Variants in PDE6A observed in about 807,000 individuals in gnomAD.
PDE6A encodes the protein rod cGMP-specific 3',5'-cyclic phosphodiesterase subunit alpha.
Under a neutral mutation model 106.3 loss-of-function variants are expected in PDE6A, and 84 were observed. The observed-to-expected ratio is 0.79, with a 90% CI of 0.66 to 0.95. PDE6A has a LOEUF of 0.95. PDE6A is among the 40% of genes least tolerant of loss of function. The pLI is 0.00. For synonymous variants in PDE6A, 394 were observed against 386.6 expected (o/e 1.02, Z -0.23); for missense variants, 1,052 against 1,084.9 (o/e 0.97, Z 0.43).
At chr5:149,939,545 T>C (rs1469291407) in intron 1 of PDE6A, among the ~76,000 whole-genome samples, 1 of 152,086 alleles carries the variant, frequency 6.6e-6, no homozygotes, top group Non-Finnish European at 1.5e-5. Flanking sequence ...AGTAGCAAAA[T>C]GGTCGTAATA....
At chr5:149,935,009 C>T (rs1754143220) in intron 1 of PDE6A, among the ~76,000 whole-genome samples, 1 of 152,106 alleles carries the variant, frequency 6.6e-6, no homozygotes, top group African/African-American at 2.4e-5. Flanking sequence ...TTAGAGAAGG[C>T]TTTCTTGAGG....
rs1760118834 is a variant in PDE6A at position 149,860,977 on chromosome 5, A to G, written c.2507-6T>C. On this transcript the variant is annotated splice_region_variant and splice_polypyrimidine_tract_variant and intron_variant, in intron 21 of 21. Transcript: ENST00000255266. ...CGGCTGATTTCCTGCGGCTGCTGCA[A>G]TGAAACAGGAAAAAGAACACACCAG... is the stretch of plus-strand genomic sequence containing the variant. 1.2e-6 allele frequency: 2 copies of G among 1,613,716 alleles called. No homozygotes were observed. The highest frequency in any genetic ancestry group is 1.7e-6 in the Non-Finnish European group (2 of 1,179,772).
At position 149,907,310 on chromosome 5, in the gene PDE6A, A is replaced by T. The variant is rs1554090012; in HGVS notation, c.1065+2T>A. On this transcript the variant is annotated splice_donor_variant, in intron 7 of 21. Transcript: ENST00000255266. LOFTEE classifies it high-confidence loss of function. The stretch of plus-strand genomic sequence containing the variant: ...CTCCCCCTTCAAAGTTATATTACTT[A>T]CCAGGCCATTCTGGGCAACATAAGC... The T allele has an allele frequency of 2.5e-6, 4 of 1,609,914 alleles. No homozygotes were observed. The highest frequency in any genetic ancestry group is 3.4e-6 in the Non-Finnish European group (4 of 1,176,180).
chr5:149,901,314 A>G (rs967159840), intron 8 of PDE6A, among the ~76,000 whole-genome samples: 3 of 152,110 alleles, frequency 2.0e-5, no homozygotes, highest in South Asian at 4.1e-4. Context: ...AGATCACCTG[A>G]GGTCGGGAGT....
At chr5:149,942,213 T>C (rs894255503) in intron 1 of PDE6A, among the ~76,000 whole-genome samples, 2 of 152,206 alleles carry the variant, frequency 1.3e-5, no homozygotes, top group African/African-American at 4.8e-5. Flanking sequence ...TCTTCCCACC[T>C]CAGCCTCCCA....
rs1313055098 is a variant in PDE6A at position 149,866,164 on chromosome 5, G to T, written c.2358+6C>A. 6.2e-7 allele frequency: 1 copy of T among 1,605,240 alleles called. No homozygotes were observed. The highest frequency in any genetic ancestry group is 1.1e-5 in the South Asian group (1 of 90,888). On this transcript the variant is annotated splice_donor_region_variant and intron_variant, in intron 20 of 21. Transcript: ENST00000255266. Reference sequence around the variant, plus strand: ...CTTGTTGCGGCTGAGGAAGCCAAGGGCCTACCTTGTAGACGAAGGTGCAAA... The same window carrying T: ...CTTGTTGCGGCTGAGGAAGCCAAGGTCCTACCTTGTAGACGAAGGTGCAAA...
chr5:149,887,968 C>CTGTGTGTG (rs113190336), intron 13 of PDE6A, among the ~76,000 whole-genome samples: 7 of 150,274 alleles, frequency 4.7e-5, no homozygotes, highest in African/African-American at 7.3e-5. Context: ...CGCCCTCTTT[C>CTGTGTGTG]TGTGTGTGTG....
At chr5:149,903,030 G>T (rs1753038411) in intron 8 of PDE6A, among the ~76,000 whole-genome samples, 1 of 149,492 alleles carries the variant, frequency 6.7e-6, no homozygotes, top group Non-Finnish European at 1.5e-5. Flanking sequence ...CACACCTATA[G>T]TCTAGCTAAT....
At chr5:149,898,304 G>A (rs1224594084) in intron 10 of PDE6A, 59 bp downstream of exon 10, 3 of 1,558,664 alleles carry the variant, frequency 1.9e-6, no homozygotes, top group East Asian at 2.2e-5. Flanking sequence ...CCTTAATCTG[G>A]CCACATCTCT....
At chr5:149,891,418 C>T (rs537016845) in intron 13 of PDE6A, among the ~76,000 whole-genome samples, 12 of 152,248 alleles carry the variant, frequency 7.9e-5, no homozygotes, top group African/African-American at 2.6e-4. Flanking sequence ...TGCAGTGAGC[C>T]GAGATCACAT....
At chr5:149,935,284 A>G (rs199685838) in intron 1 of PDE6A, among the ~76,000 whole-genome samples, 2 of 146,848 alleles carry the variant, frequency 1.4e-5, no homozygotes, top group African/African-American at 2.5e-5. Context: ...GTGTGTGTGT[A>G]TGTGTAACTC....
chr5:149,923,560 TAACATAACATAACATAACAAAC>T (rs1174850305), intron 4 of PDE6A, among the ~76,000 whole-genome samples: 5 of 66,088 alleles, frequency 7.6e-5, no homozygotes, highest in African/African-American at 2.9e-4. Context: ...TAACATAACA[TAACATAACATAACATAACAAAC>T]AACAACACTA....
At chr5:149,880,778 T>A (rs1321358333) in intron 17 of PDE6A, among the ~76,000 whole-genome samples, 1 of 151,678 alleles carries the variant, frequency 6.6e-6, no homozygotes, top group Non-Finnish European at 1.5e-5. Context: ...CCAGTCACAA[T>A]GGCAATTATT....
At chr5:149,912,903 G>T (rs965403110) in intron 6 of PDE6A, among the ~76,000 whole-genome samples, 1 of 152,132 alleles carries the variant, frequency 6.6e-6, no homozygotes, top group African/African-American at 2.4e-5. Flanking sequence ...TCAGAAGCTA[G>T]TAGGATGTGA....
chr5:149,892,496 T>C (rs1752582379), intron 13 of PDE6A, among the ~76,000 whole-genome samples: 1 of 148,888 alleles, frequency 6.7e-6, no homozygotes, highest in Admixed American at 6.7e-5. Context: ...TTCTTTCCTT[T>C]TTTTTTTTTT....
chr5:149,925,977 C>G (rs1373977428), intron 4 of PDE6A, among the ~76,000 whole-genome samples: 1 of 152,080 alleles, frequency 6.6e-6, no homozygotes, highest in Non-Finnish European at 1.5e-5. Flanking sequence ...CATGGTGGCT[C>G]ACACCTGTAA....
chr5:149,899,420 A>C lies in PDE6A; in HGVS notation c.1218T>G (p.Arg406=). 6.2e-7 allele frequency: 1 copy of C among 1,614,154 alleles called. No homozygotes were observed. Among genetic ancestry groups the C allele is most frequent in the Non-Finnish European group, 8.5e-7 (1 of 1,180,006 alleles). ...EIVGVATFYN[R]KDGKPFDEMD... ...TTTCATCAAAGGGCTTCCCATCTTT[A>C]CGATTGTAAAATGTGGCCACTCCAA... The change falls in exon 9 of 22, where the codon CGT becomes CGG. Residue 406 remains arginine (R), a synonymous_variant. Transcript: ENST00000255266.
intron 17 of PDE6A, among the ~76,000 whole-genome samples, chr5:149,876,899 T>G (rs1760759999): frequency 6.6e-6 from 1 of 150,398 alleles, no homozygotes; most frequent in Non-Finnish European, 1.5e-5. Context: ...CAGATGATGA[T>G]AGATGATGAG....
At chr5:149,880,325 T>C (rs1760877506) in intron 17 of PDE6A, among the ~76,000 whole-genome samples, 1 of 152,152 alleles carries the variant, frequency 6.6e-6, no homozygotes, top group African/African-American at 2.4e-5. Context: ...CCCTATCCAA[T>C]AGCAGGGTGT....
Sources: allele counts gnomAD v4.1 joint callset (sites outside exome capture counted in the v4.1 genomes callset), GRCh38; gene constraint gnomAD v4.1.1; transcripts MANE v1.5; gene names NCBI Gene and HGNC (gene_info 2026-07-23, HGNC 2026-07-21).